Variants in TBRG1 observed in about 807,000 individuals in gnomAD.
TBRG1 encodes the protein transforming growth factor beta regulator 1.
TBRG1 carries 31 observed loss-of-function variants against 44.0 expected under a neutral mutation model. That is an observed-to-expected ratio of 0.70 (90% confidence interval 0.53 to 0.95). The LOEUF (loss-of-function observed/expected upper bound fraction) is 0.95. Among genes scored for constraint, TBRG1 ranks in the 40% least tolerant of loss-of-function variants. The pLI, the probability that TBRG1 is intolerant of heterozygous loss-of-function variation, is 0.00. For synonymous variants in TBRG1, 171 were observed against 188.1 expected, an observed-to-expected ratio of 0.91 and a Z score of 0.74; for missense variants, 487 against 496.1, an observed-to-expected ratio of 0.98 and a Z score of 0.18.
At position 124,623,097 on chromosome 11, in the gene TBRG1, A is replaced by G; in HGVS notation, c.14A>G (p.Asp5Gly). 2.6e-6 allele frequency: 4 copies of G among 1,549,900 alleles called. No homozygotes were observed. The highest frequency in any genetic ancestry group is 3.5e-6 in the Non-Finnish European group (4 of 1,146,430). The part of the protein sequence containing the change: MSLL[D>G]GLASSPRAPL... ...CGGGGCTGGACCATGAGCCTGCTGG[A>G]CGGCCTCGCTTCCTCGCCGCGGGCT... Residue 5 changes from aspartate (D) to glycine (G), a missense_variant, in exon 1 of 9, where the codon GAC (aspartate) becomes GGC (glycine). By Grantham distance (94) the Asp-to-Gly change is moderately conservative. Transcript: ENST00000441174.
chr11:124,626,980 C>T lies in TBRG1; in HGVS notation c.668C>T (p.Ala223Val). ...GGCTATTGCAGTACTCGAATATATG[C>T]CAGCATGAAGTGCCCAGACCAGAAG... ...PVGYCSTRIY[A>V]SMKCPDQKCL... The change falls in exon 5 of 9, where the codon GCC (alanine) becomes GTC (valine). Residue 223 changes from alanine (A) to valine (V), a missense_variant. Transcript: ENST00000441174. The T allele has an allele frequency of 6.3e-7, 1 of 1,586,860 alleles. No homozygotes were observed. Among genetic ancestry groups the T allele is most frequent in the Non-Finnish European group, 8.6e-7 (1 of 1,165,078 alleles).
At chr11:124,628,110 TATATATACACAC>T (rs1168618931) in intron 5 of TBRG1, among the ~76,000 whole-genome samples, 43 of 53,070 alleles carry the variant, frequency 8.1e-4, no homozygotes, top group African/African-American at 3.8e-3. Flanking sequence ...TATATATATA[TATATATACACAC>T]ACACACACAC....
rs1006846290 is a variant in TBRG1 at position 124,623,033 on chromosome 11, T to G, written c.-51T>G. 1.3e-5 allele frequency: 20 copies of G among 1,488,770 alleles called. No homozygotes were observed. The African/African-American group carries it at 2.8e-4, about 21-fold the overall frequency. 92.2% of individuals were successfully genotyped at this position (1,488,770 alleles called of 1,614,324 possible). A position where few individuals can be genotyped will look rare whatever the true frequency, so the allele number is the denominator to read the frequency against. Reference sequence around the variant, plus strand: ...CCAGCGCTCCCGCCCGCTCCCCGACTTAGGATCCGATGCCGGCAGCGTCCT... The same window carrying G: ...CCAGCGCTCCCGCCCGCTCCCCGACGTAGGATCCGATGCCGGCAGCGTCCT... On this transcript the variant is annotated 5_prime_UTR_variant, in exon 1 of 9. Transcript: ENST00000441174.
At position 124,631,412 on chromosome 11, in the gene TBRG1, T is replaced by C. The variant is rs1250023360; in HGVS notation, c.1085T>C (p.Leu362Pro). 2 of 1,613,990 alleles carry C rather than the reference T, an allele frequency of 1.2e-6. No individual in the cohort carries two copies. The highest frequency in any genetic ancestry group is 3.3e-5 in the Admixed American group (2 of 60,034). The change falls in exon 8 of 9, where the codon CTG becomes CCG. Residue 362 changes from leucine (L) to proline (P), a missense_variant. Coordinates refer to ENST00000441174, the MANE Select transcript of TBRG1 (RefSeq NM_032811.3). Reference protein sequence around the residue: ...IFDEDQNDPLLPGSLDLPELQ... With the variant: ...IFDEDQNDPLPPGSLDLPELQ... ...GATGAAGATCAGAATGATCCCCTTC[T>C]GCCAGGTATCTTTAACTTTACCTTT...
At chr11:124,631,767 G>T in intron 8 of TBRG1, 1 of 435,018 alleles carries the variant, frequency 2.3e-6, no homozygotes, top group Non-Finnish European at 4.1e-6. Context: ...TCAAGGCCTT[G>T]GCCCTGCCTG....
intron 2 of TBRG1, 107 bp downstream of exon 2, chr11:124,625,108 C>G (rs1372937415): frequency 1.3e-6 from 1 of 754,726 alleles, no homozygotes; most frequent in Non-Finnish European, 2.2e-6. Flanking sequence ...GGGATTGATG[C>G]GTATCGCACA....
chr11:124,625,992 G>A (rs1272090710), intron 3 of TBRG1, 89 bp downstream of exon 3: 8 of 1,445,786 alleles, frequency 5.5e-6, no homozygotes, highest in Non-Finnish European at 7.3e-6. Flanking sequence ...ACACACAGCT[G>A]CAGATGTACT....
chr11:124,626,935 A>C lies in TBRG1; in HGVS notation c.623A>C (p.Glu208Ala). The C allele has an allele frequency of 6.2e-7, 1 of 1,606,520 alleles. No homozygotes were observed. ...IITDRPGFHD[E>A]SAIYPVGYCS... Reference sequence around the variant, plus strand: ...ACCGACCGACCTGGCTTTCATGATGAGAGTGCCATCTACCCCGTGGGCTAT... The same window carrying C: ...ACCGACCGACCTGGCTTTCATGATGCGAGTGCCATCTACCCCGTGGGCTAT... The change falls in exon 5 of 9, where the codon GAG becomes GCG. Residue 208 changes from glutamate to alanine, a missense_variant. By Grantham distance (107) the Glu-to-Ala change is moderately radical. Transcript: ENST00000441174.
chr11:124,624,747 C>G (rs1419280513), intron 1 of TBRG1, among the ~76,000 whole-genome samples, 184 bp from the exon 2 acceptor site: 1 of 152,192 alleles, frequency 6.6e-6, no homozygotes, highest in Non-Finnish European at 1.5e-5. Context: ...TAGCTATACC[C>G]TGTCCATAGT....
chr11:124,630,862 GT>G lies in TBRG1; in HGVS notation c.947+8del. On this transcript the variant is annotated splice_region_variant and intron_variant, in intron 7 of 8. Coordinates refer to ENST00000441174, the MANE Select transcript of TBRG1 (RefSeq NM_032811.3). ...GAGCTCGAAAATGCATCAAGTAAGT[GT>G]GATCAAATTCATTCCCTTGAGAAAA... 6.4e-7 allele frequency: 1 copy of G among 1,550,592 alleles called. No homozygotes were observed.
At chr11:124,631,728 A>G in intron 8 of TBRG1, 1 of 447,478 alleles carries the variant, frequency 2.2e-6, no homozygotes, top group Non-Finnish European at 4.0e-6. Context: ...GCAGGGAATA[A>G]CATTTCAAGT....
rs768093996 is a variant in TBRG1, at chr11:124,623,014, C to T, written c.-70C>T. 4.1e-6 allele frequency: 6 copies of T among 1,446,806 alleles called. No individual in the cohort carries two copies. Among genetic ancestry groups the T allele is most frequent in the African/African-American group, 2.9e-5 (2 of 69,962 alleles). 89.6% of individuals were successfully genotyped at this position (1,446,806 alleles called of 1,614,324 possible). ...TAGCCCGGAACAGACAAAGCCAGCG[C>T]TCCCGCCCGCTCCCCGACTTAGGAT... is the stretch of plus-strand genomic sequence containing the variant. On this transcript the variant is annotated 5_prime_UTR_variant, in exon 1 of 9. Coordinates refer to ENST00000441174, the MANE Select transcript of TBRG1 (RefSeq NM_032811.3).
rs545879557 is a variant in TBRG1, at chr11:124,626,557, G to A, written c.539G>A (p.Arg180Gln). ...VQPIALDPSG[R>Q]PVFPIGLGGL... is the part of the protein sequence containing the mutation. ...CCCATTGCCCTGGATCCCTCAGGAC[G>A]GCCTGTGTTCCCCATCGGACTAGGG... The change falls in exon 4 of 9, where the codon CGG (arginine) becomes CAG (glutamine). Residue 180 changes from arginine to glutamine, a missense_variant. Coordinates refer to ENST00000441174, the MANE Select transcript of TBRG1 (RefSeq NM_032811.3). The A allele has an allele frequency of 1.3e-5, 20 of 1,551,480 alleles. No homozygotes were observed. In the Admixed American group the frequency reaches 1.4e-4, roughly 11 times the overall value.
At chr11:124,630,995 CT>C in intron 7 of TBRG1, 140 bp downstream of exon 7, 1 of 694,034 alleles carries the variant, frequency 1.4e-6, no homozygotes, top group Non-Finnish European at 2.4e-6. Flanking sequence ...TATTGGCCCC[CT>C]TAGCCCTCTG....
At chr11:124,631,992 G>A in intron 8 of TBRG1, 101 bp from the exon 9 acceptor site, 1 of 972,130 alleles carries the variant, frequency 1.0e-6, no homozygotes, top group East Asian at 2.4e-5. Context: ...ACAAATGCAA[G>A]GGTGTTAAGG....
In TBRG1 at chr11:124,633,388, C is replaced by G. The variant is rs1942653392; in HGVS notation, c.*1150C>G. The G allele has an allele frequency of 6.6e-6, 1 of 152,266 alleles. No homozygotes were observed. The highest frequency in any genetic ancestry group is 2.4e-5 in the African/African-American group (1 of 41,442). 9.4% of individuals were successfully genotyped at this position (152,266 alleles called of 1,614,324 possible). A position where few individuals can be genotyped will look rare whatever the true frequency, so the allele number is the denominator to read the frequency against. ...CTACCTGTGGGATGCCTTAGTTACC[C>G]AGCAGCAGGTTACCAAGGGCTGTCT... On this transcript the variant is annotated 3_prime_UTR_variant, in exon 9 of 9. Transcript: ENST00000441174.
At chr11:124,630,216 G>A in intron 5 of TBRG1, 172 bp from the exon 6 acceptor site, 1 of 586,122 alleles carries the variant, frequency 1.7e-6, no homozygotes, top group South Asian at 1.9e-5. Context: ...CTTTCTCTAG[G>A]TACTTGGATT....
chr11:124,624,363 C>CAAAAAAAAAAA (rs61352898), intron 1 of TBRG1, among the ~76,000 whole-genome samples: 3 of 83,590 alleles, frequency 3.6e-5, no homozygotes, highest in African/African-American at 5.1e-5. Flanking sequence ...TCATCATTTA[C>CAAAAAAAAAAA]AAAAAAAAAA....
In TBRG1 at chr11:124,630,465, C is replaced by G. The variant is rs919515667; in HGVS notation, c.816C>G (p.Leu272=). 85 of 1,612,836 alleles carry G rather than the reference C, an allele frequency of 5.3e-5. No homozygotes were observed. Among genetic ancestry groups the G allele is most frequent in the Non-Finnish European group, 6.6e-5 (78 of 1,178,990 alleles). The change falls in exon 6 of 9, where the codon CTC becomes CTG. Residue 272 remains leucine (L), a synonymous_variant. Transcript: ENST00000441174. ...CAGATGCTTGTCATGCAGAACTGCT[C>G]AGGACTATAAGCACTACTATGTAAG... ...SSADACHAEL[L]RTISTTMGKL...
Sources: gnomAD v4.1 joint callset for allele counts (sites outside exome capture counted in the v4.1 genomes callset) on GRCh38, gnomAD v4.1.1 for gene constraint, MANE v1.5 for transcripts, NCBI Gene and HGNC (gene_info 2026-07-23, HGNC 2026-07-21) for gene names.